The following CACNA1F variants were observed in gnomAD, a reference collection of about 807,000 sequenced individuals.
CACNA1F encodes the protein calcium voltage-gated channel subunit alpha1 F, also known as voltage-dependent L-type calcium channel subunit alpha-1F.
Under a neutral mutation model 143.8 loss-of-function variants are expected in CACNA1F, and 59 were observed. The observed-to-expected ratio is 0.41, with a 90% CI of 0.33 to 0.51. The LOEUF is 0.51. Among genes scored for constraint, CACNA1F ranks in the 20% least tolerant of loss-of-function variants. The pLI, the probability that CACNA1F is intolerant of heterozygous loss-of-function variation, is 0.22. For synonymous variants in CACNA1F, 643 were observed against 649.1 expected, an observed-to-expected ratio of 0.99 and a Z score of 0.14; for missense variants, 1,411 against 1,647.5, an observed-to-expected ratio of 0.86 and a Z score of 2.48.
Position 49,217,651 on chromosome X carries a change from G to T in CACNA1F, c.3089+104C>A, listed in dbSNP as rs782757220. 46 of 759,303 alleles carry T rather than the reference G, an allele frequency of 6.1e-5. No individual in the cohort carries two copies. In the Admixed American group the frequency reaches 1.0e-3, roughly 17 times the overall value. 62.6% of individuals were successfully genotyped at this position (759,303 alleles called of 1,213,427 possible). On this transcript the variant is annotated intron_variant, in intron 26 of 47. Transcript: ENST00000323022. ...ATCTGAGGGCCTCTGCAGTTCTTGG[G>T]ACAATTCTGGGACTATATCTTTGGG...
rs2065785684 is a variant in CACNA1F, at chrX:49,222,751, T to A, written c.2173A>T (p.Ile725Phe). ...CAGATGAAGAGAATGATGAAATAGA[T>A]GCACACCAACATTCCTGGGAAGAAG... The part of the protein sequence containing the change: ...GPFFPGMLVC[I>F]YFIILFICGN... The change falls in exon 16 of 48, where the codon ATC becomes TTC. Residue 725 changes from isoleucine (I) to phenylalanine (F), a missense_variant. Coordinates refer to ENST00000323022, the MANE Select transcript of CACNA1F (RefSeq NM_001256789.3). 1 of 1,210,875 alleles carries A rather than the reference T, an allele frequency of 8.3e-7. No homozygotes were observed.
In CACNA1F at chrX:49,231,910, T is replaced by C; in HGVS notation, c.43A>G (p.Ser15Gly). Residue 15 changes from serine to glycine, a missense_variant, in exon 2 of 48, where the codon AGT becomes GGT. This residue lies in a region of CACNA1F where 950 missense variants were observed against 1,128.1 expected (regional missense o/e 0.84). Transcript: ENST00000323022. ...EGGKDTTPEPSPANGAGPGPE... is the reference protein window; with the variant it reads ...EGGKDTTPEPGPANGAGPGPE... ...CCAGGGCCTGCCCCATTGGCTGGAC[T>C]GGGCTCTGGGGTGGTGTCTATATGG... The C allele has an allele frequency of 8.5e-7, 1 of 1,177,849 alleles. No individual in the cohort carries two copies.
Position 49,231,789 on chromosome X carries a change from C to T in CACNA1F, c.164G>A (p.Ser55Asn). 2 of 1,211,658 alleles carry T rather than the reference C, an allele frequency of 1.7e-6. No individual in the cohort carries two copies. Among genetic ancestry groups the T allele is most frequent in the Non-Finnish European group, 2.2e-6 (2 of 895,329 alleles). ...LGTPKRRNQH[S>N]KHKTVAVASA... ...GGCCACTGCCACTGTCTTGTGCTTG[C>T]TGTGCTGGTTTCTTCGCTTAGGGGT... is the stretch of plus-strand genomic sequence containing the variant. Residue 55 changes from serine (S) to asparagine (N), a missense_variant, in exon 2 of 48, where the codon AGC (serine) becomes AAC (asparagine). Ser to Asn is a conservative substitution (Grantham distance 46). This residue lies in a region of CACNA1F where 950 missense variants were observed against 1,128.1 expected (regional missense o/e 0.84). Coordinates refer to ENST00000323022, the MANE Select transcript of CACNA1F (RefSeq NM_001256789.3).
At chrX:49,222,212 ATAT>A (rs1458521291) in intron 17 of CACNA1F, 2 of 240,503 alleles carry the variant, frequency 8.3e-6, no homozygotes, top group Non-Finnish European at 1.5e-5. Flanking sequence ...TCTTTATTAC[ATAT>A]TATTAACATA....
intron 8 of CACNA1F, 75 bp from the exon 9 acceptor site, chrX:49,227,202 G>T: frequency 1.2e-6 from 1 of 810,597 alleles, no homozygotes; most frequent in Non-Finnish European, 1.8e-6. Context: ...AGCCACACTA[G>T]CCTCCTAGCT....
intron 27 of CACNA1F, among the ~76,000 whole-genome samples, 180 bp downstream of exon 27, chrX:49,216,202 G>A (rs2065713649): frequency 9.0e-6 from 1 of 110,557 alleles, no homozygotes; most frequent in African/African-American, 3.3e-5. Context: ...CCCAGCTTCT[G>A]GGAACTCCAC....
chrX:49,223,852 C>T (rs1360358881), intron 14 of CACNA1F, among the ~76,000 whole-genome samples: 2 of 106,885 alleles, frequency 1.9e-5, no homozygotes, highest in African/African-American at 6.8e-5. Flanking sequence ...CTGCCTCAGC[C>T]TCCCGAGTAG....
At chrX:49,216,836 C>G (rs782020840) in intron 26 of CACNA1F, among the ~76,000 whole-genome samples, 1 of 112,117 alleles carries the variant, frequency 8.9e-6, no homozygotes, top group Non-Finnish European at 1.9e-5. Flanking sequence ...TTCATCATCA[C>G]CATTATCATC....
At chrX:49,221,912 G>C (rs781997929) in intron 17 of CACNA1F, among the ~76,000 whole-genome samples, 60 of 109,291 alleles carry the variant, frequency 5.5e-4, no homozygotes, top group African/African-American at 1.8e-3. Context: ...GAACCTGGGT[G>C]GCGGAGGTTG....
At chrX:49,215,013 C>T in intron 29 of CACNA1F, 73 bp downstream of exon 29, 1 of 1,000,476 alleles carries the variant, frequency 1.0e-6, no homozygotes, top group South Asian at 1.9e-5. Flanking sequence ...TAAATGTTCC[C>T]AATGGTTCCC....
Position 49,219,748 on chromosome X carries a change from T to C in CACNA1F, c.2429A>G (p.Glu810Gly), listed in dbSNP as rs1251799640. Residue 810 changes from glutamate to glycine, a missense_variant, in exon 20 of 48, where the codon GAA (glutamate) becomes GGA (glycine). Around this residue, in one of 3 missense-constraint regions of CACNA1F, gnomAD observed 950 missense variants for 1,128.1 expected, o/e 0.84. Coordinates refer to ENST00000323022, the MANE Select transcript of CACNA1F (RefSeq NM_001256789.3). ...EEEEEEEEEE[E>G]EEEEGAGGVE... is the part of the protein sequence containing the mutation. Reference sequence around the variant, plus strand: ...ACCCCCTGCACCCTCTTCCTCTTCTTCCTCTTCTTCCTCTTCTTCCTCCTC... The same window carrying C: ...ACCCCCTGCACCCTCTTCCTCTTCTCCCTCTTCTTCCTCTTCTTCCTCCTC... 7 of 1,117,887 alleles carry C rather than the reference T, an allele frequency of 6.3e-6. No homozygotes were observed. The highest frequency in any genetic ancestry group is 8.4e-6 in the Non-Finnish European group (7 of 830,619). 92.1% of individuals were successfully genotyped at this position (1,117,887 alleles called of 1,213,427 possible). A position where few individuals can be genotyped will look rare whatever the true frequency, so the allele number is the denominator to read the frequency against.
chrX:49,213,901 T>C lies in CACNA1F; in HGVS notation c.3710A>G (p.His1237Arg), dbSNP rs2065683146. Reference sequence around the variant, plus strand: ...CGTGTTCCAGGCATCAGTGAAGTAATGCTGCAAGTAGGAGAAAAGCAGTGC... The same window carrying C: ...CGTGTTCCAGGCATCAGTGAAGTAACGCTGCAAGTAGGAGAAAAGCAGTGC... Reference protein sequence around the residue: ...VLKIIAFKPKHYFTDAWNTFD... With the variant: ...VLKIIAFKPKRYFTDAWNTFD... The change falls in exon 31 of 48, where the codon CAT becomes CGT. Residue 1237 changes from histidine to arginine, a missense_variant and splice_region_variant. His to Arg is a conservative substitution (Grantham distance 29). Transcript: ENST00000323022. 8.4e-7 allele frequency: 1 copy of C among 1,183,925 alleles called. No individual in the cohort carries two copies. Among genetic ancestry groups the C allele is most frequent in the Non-Finnish European group, 1.1e-6 (1 of 871,863 alleles).
Position 49,231,009 on chromosome X carries a change from G to T in CACNA1F, c.382-20C>A. 3 of 1,119,734 alleles carry T rather than the reference G, an allele frequency of 2.7e-6. No individual in the cohort carries two copies. The highest frequency in any genetic ancestry group is 3.7e-6 in the Non-Finnish European group (3 of 815,058). The allele number at this position is 1,119,734 out of a possible 1,213,427, so 92.3% of individuals were successfully genotyped here. A position where few individuals can be genotyped will look rare whatever the true frequency, so the allele number is the denominator to read the frequency against. ...CTGCTCCTGGGGGTGGGACCGGGGGGCGGGTCGGGAAGTCGAGGAGTTATT... is the reference window on the plus strand; with the variant it reads ...CTGCTCCTGGGGGTGGGACCGGGGGTCGGGTCGGGAAGTCGAGGAGTTATT... On this transcript the variant is annotated intron_variant, in intron 3 of 47. Transcript: ENST00000323022.
chrX:49,223,618 A>AAAAAAG (rs1399389646), intron 14 of CACNA1F, among the ~76,000 whole-genome samples: 209 of 100,451 alleles, frequency 2.1e-3, no homozygotes, highest in African/African-American at 7.9e-3. Flanking sequence ...AAAAAAAAAA[A>AAAAAAG]AAGAAGAAGA....
chrX:49,231,850 C>T lies in CACNA1F; in HGVS notation c.103G>A (p.Val35Met). ...GATGCCCCACTGCTTTCACCTTCCA[C>T]AGCTGGGGGCCCGGGGCACAGCCCC... is the stretch of plus-strand genomic sequence containing the variant. Reference protein sequence around the residue: ...EWGLCPGPPAVEGESSGASGL... With the variant: ...EWGLCPGPPAMEGESSGASGL... Residue 35 changes from valine to methionine, a missense_variant, in exon 2 of 48, where the codon GTG becomes ATG. Physicochemically the swap from Val to Met is conservative, Grantham distance 21. Coordinates refer to ENST00000323022, the MANE Select transcript of CACNA1F (RefSeq NM_001256789.3). The T allele has an allele frequency of 5.9e-6, 7 of 1,191,255 alleles. No individual in the cohort carries two copies. The highest frequency in any genetic ancestry group is 1.8e-5 in the South Asian group (1 of 54,922).
chrX:49,210,637 G>C lies in CACNA1F; in HGVS notation c.4438C>G (p.Pro1480Ala). Residue 1480 changes from proline to alanine, a missense_variant, in exon 38 of 48, where the codon CCC becomes GCC. Physicochemically the swap from Pro to Ala is conservative, Grantham distance 27 (BLOSUM62 -1). Around this residue, in one of 3 missense-constraint regions of CACNA1F, gnomAD observed 112 missense variants for 169.2 expected, o/e 0.66. Coordinates refer to ENST00000323022, the MANE Select transcript of CACNA1F (RefSeq NM_001256789.3). ...DVVALLRRIQ[P>A]PLGFGKLCPH... is the part of the protein sequence containing the mutation. ...CACAGCTTCCCAAATCCCAGAGGGG[G>C]CTGGATACGTCTCAGCAGGGCAACC... 8.3e-7 allele frequency: 1 copy of C among 1,211,054 alleles called. No homozygotes were observed. The highest frequency in any genetic ancestry group is 1.1e-6 in the Non-Finnish European group (1 of 895,088).
chrX:49,216,634 T>C lies in CACNA1F; in HGVS notation c.3090-106A>G, dbSNP rs187218145. The C allele has an allele frequency of 2.3e-3, 1,703 of 733,397 alleles. 4 individuals are homozygous for C. Among genetic ancestry groups the C allele is most frequent in the Admixed American group, 3.3e-3 (114 of 34,144 alleles). The allele number at this position is 733,397 out of a possible 1,213,427, so 60.4% of individuals were successfully genotyped here. ...AGCAGGACATAGTGGTGGAGCAATATGTTCTAGGTTCAAATCCTGTCCCTC... is the reference window on the plus strand; with the variant it reads ...AGCAGGACATAGTGGTGGAGCAATACGTTCTAGGTTCAAATCCTGTCCCTC... On this transcript the variant is annotated intron_variant, in intron 26 of 47. Coordinates refer to ENST00000323022, the MANE Select transcript of CACNA1F (RefSeq NM_001256789.3).
Position 49,224,834 on chromosome X carries a change from C to T in CACNA1F, c.1804G>A (p.Val602Met). 2 of 1,201,454 alleles carry T rather than the reference C, an allele frequency of 1.7e-6. No homozygotes were observed. Among genetic ancestry groups the T allele is most frequent in the East Asian group, 3.0e-5 (1 of 33,347 alleles). Residue 602 changes from valine to methionine, a missense_variant, in exon 14 of 48, where the codon GTG becomes ATG. Val to Met is a conservative substitution (Grantham distance 21). This residue lies in a region of CACNA1F where 950 missense variants were observed against 1,128.1 expected (regional missense o/e 0.84). Coordinates refer to ENST00000323022, the MANE Select transcript of CACNA1F (RefSeq NM_001256789.3). ...ATGCCCAAGGGCTGCATGGCACCCA[C>T]CTCCACCAAGGTGGTCTCTAGGATG... ...GGILETTLVEVGAMQPLGISV... is the reference protein window; with the variant it reads ...GGILETTLVEMGAMQPLGISV...
intron 26 of CACNA1F, 122 bp from the exon 27 acceptor site, chrX:49,216,650 C>A: frequency 1.6e-6 from 1 of 625,172 alleles, no homozygotes; most frequent in Non-Finnish European, 2.5e-6. Context: ...AGGTTCAAAT[C>A]CTGTCCCTCC....
Sources: gnomAD v4.1 joint callset for allele counts (sites outside exome capture counted in the v4.1 genomes callset) on GRCh38, gnomAD v4.1.1 for gene constraint, gnomAD v4.1.1 regional missense constraint, MANE v1.5 for transcripts, NCBI Gene and HGNC (gene_info 2026-07-23, HGNC 2026-07-21) for gene names.